Variants in KALRN observed in about 807,000 individuals in gnomAD.
KALRN encodes kalirin.
A neutral mutation model predicts 353.7 loss-of-function variants in KALRN; 70 were observed. That is an observed-to-expected ratio of 0.20 (90% CI 0.16 to 0.24). The LOEUF is 0.24. Among genes scored for constraint, KALRN ranks in the 10% least tolerant of loss-of-function variants. KALRN has a pLI of 1.00. For missense variants in KALRN, 2,791 were observed against 3,756.7 expected (o/e 0.74, Z 6.72); for synonymous variants, 1,391 against 1,434.8 (o/e 0.97, Z 0.69).
chr3:124,410,416 G>A (rs1243750977), intron 13 of KALRN: 1 of 373,866 alleles, frequency 2.7e-6, no homozygotes, highest in Non-Finnish European at 5.2e-6. Flanking sequence ...TAAAAATTGT[G>A]ATTTGGGCTA....
At chr3:124,323,177 G>A (rs1289805330) in intron 6 of KALRN, among the ~76,000 whole-genome samples, 1 of 152,150 alleles carries the variant, frequency 6.6e-6, no homozygotes, top group Non-Finnish European at 1.5e-5. Flanking sequence ...TTTAATCTAT[G>A]ATCACAGGCT....
At chr3:124,098,107 T>A (rs565045815) in intron 1 of KALRN, among the ~76,000 whole-genome samples, 12 of 152,184 alleles carry the variant, frequency 7.9e-5, no homozygotes, top group Non-Finnish European at 1.2e-4. Context: ...TACATGTAAT[T>A]TTTTTTGGTA....
intron 34 of KALRN, among the ~76,000 whole-genome samples, chr3:124,573,149 C>T (rs1336515336): frequency 1.3e-5 from 2 of 152,108 alleles, no homozygotes; most frequent in African/African-American, 4.8e-5. Flanking sequence ...TGATCATACA[C>T]CTGTGGTCCT....
chr3:124,128,825 T>C (rs1047540305), intron 1 of KALRN, among the ~76,000 whole-genome samples: 2 of 152,112 alleles, frequency 1.3e-5, no homozygotes, highest in Non-Finnish European at 2.9e-5. Flanking sequence ...CCTTTTCAAC[T>C]GGTCCTGAAG....
At chr3:124,409,560 G>T (rs2091948148) in intron 13 of KALRN, among the ~76,000 whole-genome samples, 1 of 152,180 alleles carries the variant, frequency 6.6e-6, no homozygotes. Context: ...GGCTAGTGAA[G>T]AAGGCTGGAG....
chr3:124,302,507 A>T (rs1459927215), intron 6 of KALRN, among the ~76,000 whole-genome samples: 1 of 152,232 alleles, frequency 6.6e-6, no homozygotes, highest in African/African-American at 2.4e-5. Context: ...AATTTAAAGA[A>T]GTCCTAGGTG....
At chr3:124,642,806 G>GTTGTTTTTTTTTTTTTCTTTTTTTTT (rs796628603) in intron 37 of KALRN, among the ~76,000 whole-genome samples, 1 of 96,840 alleles carries the variant, frequency 1.0e-5, no homozygotes, top group Admixed American at 1.3e-4. Context: ...CCCAAGCCTC[G>GTTGTTTTTTTTTTTTTCTTTTTTTTT]TTTTTTTTTT....
chr3:124,531,552 T>C (rs550639905), intron 33 of KALRN, among the ~76,000 whole-genome samples: 1 of 152,316 alleles, frequency 6.6e-6, no homozygotes, highest in South Asian at 2.1e-4. Flanking sequence ...TTCCACAGGC[T>C]GTACAGCAAA....
At chr3:124,598,292 T>C (rs545850521) in intron 34 of KALRN, among the ~76,000 whole-genome samples, 1 of 152,342 alleles carries the variant, frequency 6.6e-6, no homozygotes, top group South Asian at 2.1e-4. Flanking sequence ...TCCAATGGCC[T>C]GGAATCTCCA....
chr3:124,059,217 A>G (rs1329386931), intron 1 of KALRN, among the ~76,000 whole-genome samples: 3 of 152,232 alleles, frequency 2.0e-5, no homozygotes, highest in Admixed American at 6.5e-5. Flanking sequence ...AATAAGTACT[A>G]ATGTTCTAAC....
intron 13 of KALRN, among the ~76,000 whole-genome samples, chr3:124,413,106 G>T (rs1560855465): frequency 6.6e-6 from 1 of 152,018 alleles, no homozygotes; most frequent in East Asian, 1.9e-4. Context: ...TCTGTGTGAG[G>T]GTCAACTTCC....
chr3:124,718,686 A>G (rs2063281349), intron 59 of KALRN, among the ~76,000 whole-genome samples: 1 of 152,232 alleles, frequency 6.6e-6, no homozygotes, highest in Non-Finnish European at 1.5e-5. Context: ...TTAAGAAAAC[A>G]TGATTTTCAA....
At chr3:124,505,089 T>G in intron 33 of KALRN, 1 of 436,718 alleles carries the variant, frequency 2.3e-6, no homozygotes, top group Non-Finnish European at 4.7e-6. Context: ...TTTACTGGAG[T>G]GTTCTGTACA....
intron 27 of KALRN, among the ~76,000 whole-genome samples, chr3:124,478,060 A>G (rs780436888): frequency 4.6e-5 from 7 of 152,198 alleles, no homozygotes; most frequent in Non-Finnish European, 1.0e-4. Context: ...AAATGGTGGG[A>G]TCTATAAAGC....
chr3:124,413,673 A>G lies in KALRN; in HGVS notation c.2542+8A>G, dbSNP rs772025649. ...CGGAGGTCCAGGCATCAGGTGGGTG[A>G]CCTCGCTCATTCTCCTGGCAGAGGA... On this transcript the variant is annotated splice_region_variant and intron_variant, in intron 14 of 59. Coordinates refer to ENST00000682506, the MANE Select transcript of KALRN (RefSeq NM_001388419.1). The G allele has an allele frequency of 1.2e-6, 2 of 1,610,252 alleles. No homozygotes were observed. The highest frequency in any genetic ancestry group is 1.7e-6 in the Non-Finnish European group (2 of 1,177,376).
At chr3:124,672,590 G>A (rs2086599593) in intron 48 of KALRN, among the ~76,000 whole-genome samples, 2 of 152,206 alleles carry the variant, frequency 1.3e-5, no homozygotes, top group Admixed American at 6.5e-5. Context: ...GTGAATGGGA[G>A]AAGTCTGACT....
intron 1 of KALRN, among the ~76,000 whole-genome samples, chr3:124,132,653 GGGA>G (rs1212044488): frequency 6.6e-6 from 1 of 152,218 alleles, no homozygotes; most frequent in Non-Finnish European, 1.5e-5. Flanking sequence ...TGTTGTGTCT[GGGA>G]AGGAACCAGG....
chr3:124,627,634 A>G (rs745478443), intron 34 of KALRN, among the ~76,000 whole-genome samples: 6 of 152,232 alleles, frequency 3.9e-5, no homozygotes, highest in Non-Finnish European at 7.3e-5. Context: ...GCCACATGGC[A>G]TCACAGGGGT....
chr3:124,092,129 G>A (rs371032158), intron 1 of KALRN, among the ~76,000 whole-genome samples: 16 of 152,322 alleles, frequency 1.1e-4, no homozygotes, highest in African/African-American at 3.8e-4. Flanking sequence ...CGGGGGAAGT[G>A]CTTGCACCCA....
Sources: gnomAD v4.1 joint callset for allele counts (sites outside exome capture counted in the v4.1 genomes callset) on GRCh38, gnomAD v4.1.1 for gene constraint, MANE v1.5 for transcripts, NCBI Gene and HGNC (gene_info 2026-07-23, HGNC 2026-07-21) for gene names.